CNOT6: variants seen among roughly 807,000 people sequenced by gnomAD.
CNOT6 encodes carbon catabolite repression 4 protein.
Under a neutral mutation model 61.2 loss-of-function variants are expected in CNOT6, and 12 were observed. That is an observed-to-expected ratio of 0.20 (90% CI 0.13 to 0.32). The LOEUF (loss-of-function observed/expected upper bound fraction) is 0.32, where lower values mean the gene tolerates loss of function less well. Among genes scored for constraint, CNOT6 ranks in the 10% least tolerant of loss-of-function variants. The pLI is 1.00. For synonymous variants in CNOT6, 225 were observed against 240.6 expected (o/e 0.94, Z 0.60); for missense variants, 405 against 663.9 (o/e 0.61, Z 4.28).
intron 2 of CNOT6, among the ~76,000 whole-genome samples, chr5:180,540,249 T>A (rs1758965024): frequency 1.3e-5 from 2 of 152,202 alleles, no homozygotes; most frequent in South Asian, 4.1e-4. Context: ...TTGGTTGTAG[T>A]GATGTTCTGA....
intron 2 of CNOT6, among the ~76,000 whole-genome samples, chr5:180,537,397 A>T (rs1347608052): frequency 6.6e-6 from 1 of 151,716 alleles, no homozygotes; most frequent in Non-Finnish European, 1.5e-5. Context: ...CCATCTTTTC[A>T]TATGCTTTTT....
At chr5:180,509,983 G>T (rs568607325) in intron 1 of CNOT6, among the ~76,000 whole-genome samples, 1 of 151,746 alleles carries the variant, frequency 6.6e-6, no homozygotes, top group East Asian at 1.9e-4. Context: ...GTGTAGTTAT[G>T]ATTTAAGTTT....
intron 1 of CNOT6, among the ~76,000 whole-genome samples, chr5:180,512,984 C>T (rs1292487196): frequency 6.6e-6 from 1 of 152,074 alleles, no homozygotes; most frequent in African/African-American, 2.4e-5. Context: ...CAAGCTCCGC[C>T]TCCTGGGTTC....
At chr5:180,497,521 A>C (rs956393045) in intron 1 of CNOT6, among the ~76,000 whole-genome samples, 3 of 152,152 alleles carry the variant, frequency 2.0e-5, no homozygotes, top group African/African-American at 7.2e-5. Flanking sequence ...GTGAGGGATC[A>C]GTATGTTCAG....
chr5:180,562,681 G>A lies in CNOT6; in HGVS notation c.386-1808G>A, dbSNP rs1030236786. On this transcript the variant is annotated intron_variant, in intron 4 of 11. Coordinates refer to ENST00000261951, the MANE Select transcript of CNOT6 (RefSeq NM_001370472.1). ...CGTGAACCCGGGAGGCGGAGCTTGC[G>A]GTGAGCCGAGATGGTGCCACTGCAC... Among the ~76,000 whole-genome samples the A allele has an allele frequency of 4.6e-5, 7 of 152,146 alleles. No homozygotes were observed. In the South Asian group the frequency reaches 1.0e-3, roughly 23 times the overall value.
chr5:180,536,084 C>T (rs1340636877), intron 2 of CNOT6, among the ~76,000 whole-genome samples: 2 of 148,156 alleles, frequency 1.3e-5, no homozygotes, highest in Non-Finnish European at 3.0e-5. Flanking sequence ...CAAGCTCTGC[C>T]TCCCACGTTC....
intron 4 of CNOT6, among the ~76,000 whole-genome samples, chr5:180,560,182 T>C (rs1760095142): frequency 6.6e-6 from 1 of 152,116 alleles, no homozygotes. Flanking sequence ...CCTGACCTCA[T>C]GATCCACCCA....
chr5:180,562,526 G>A (rs1321220111), intron 4 of CNOT6, among the ~76,000 whole-genome samples: 1 of 152,130 alleles, frequency 6.6e-6, no homozygotes, highest in Non-Finnish European at 1.5e-5. Flanking sequence ...GGATCACGAG[G>A]TCAGGAGATT....
At chr5:180,522,202 G>C (rs1198332466) in intron 1 of CNOT6, among the ~76,000 whole-genome samples, 1 of 152,058 alleles carries the variant, frequency 6.6e-6, no homozygotes, top group Non-Finnish European at 1.5e-5. Context: ...TCAGCTCACT[G>C]CAAACTCCAT....
intron 1 of CNOT6, among the ~76,000 whole-genome samples, chr5:180,503,601 C>CTTTTTTTT (rs56187510): frequency 2.3e-4 from 15 of 66,134 alleles, no homozygotes; most frequent in Non-Finnish European, 2.9e-4. Flanking sequence ...GCCCTACTTC[C>CTTTTTTTT]TTTTTTTTTT....
intron 1 of CNOT6, among the ~76,000 whole-genome samples, chr5:180,517,101 AT>A (rs1196002592): frequency 3.6e-4 from 55 of 152,326 alleles, no homozygotes; most frequent in African/African-American, 1.3e-3. Context: ...TTAGCATTTC[AT>A]TAATGCCAAT....
chr5:180,559,672 T>G (rs1174953085), intron 4 of CNOT6, among the ~76,000 whole-genome samples: 2 of 152,328 alleles, frequency 1.3e-5, no homozygotes, highest in Non-Finnish European at 2.9e-5. Context: ...TTTTGTCTTT[T>G]TCTCTTTGCT....
chr5:180,529,197 CAAAAA>C (rs71591495), intron 1 of CNOT6, 73 bp from the exon 2 acceptor site: 33 of 582,406 alleles, frequency 5.7e-5, no homozygotes, highest in Admixed American at 3.3e-4. Flanking sequence ...GACTTCGTCT[CAAAAA>C]AAAAAAAAAA....
chr5:180,560,314 GT>G (rs1039100537), intron 4 of CNOT6, among the ~76,000 whole-genome samples: 5 of 152,034 alleles, frequency 3.3e-5, no homozygotes, highest in African/African-American at 1.2e-4. Flanking sequence ...ATATTTTTTT[GT>G]TTACCTATAT....
Position 180,518,497 on chromosome 5 carries a change from G to A in CNOT6, c.-2-10778G>A, listed in dbSNP as rs548193430. ...TATTCTCAAGCCAGTTTTAGTATTT[G>A]TGTGTGTGGGGGGGAGGAGGGAGTT... On this transcript the variant is annotated intron_variant, in intron 1 of 11. Transcript: ENST00000261951. Among the ~76,000 whole-genome samples, 9 of 151,904 alleles carry A rather than the reference G, an allele frequency of 5.9e-5. No individual in the cohort carries two copies. The South Asian group carries it at 1.0e-3, about 18-fold the overall frequency.
chr5:180,574,408 GGATTGGTGTGTTT>G lies in CNOT6; in HGVS notation c.*210_*222del. On this transcript the variant is annotated 3_prime_UTR_variant, in exon 12 of 12. Coordinates refer to ENST00000261951, the MANE Select transcript of CNOT6 (RefSeq NM_001370472.1). Reference sequence around the variant, plus strand: ...CAATATGCTTTATACTGCTAGACAGGGATTGGTGTGTTTGCACCTGTCTTTCATTTGTCATAAG... The same window carrying G: ...CAATATGCTTTATACTGCTAGACAGGGCACCTGTCTTTCATTTGTCATAAG... 1 of 584,796 alleles carries G rather than the reference GGATTGGTGTGTTT, an allele frequency of 1.7e-6. No homozygotes were observed. Among genetic ancestry groups the G allele is most frequent in the South Asian group, 2.1e-5 (1 of 48,468 alleles). The allele number at this position is 584,796 out of a possible 1,614,324, so 36.2% of individuals were successfully genotyped here.
At chr5:180,499,541 G>T (rs1756771431) in intron 1 of CNOT6, among the ~76,000 whole-genome samples, 1 of 152,212 alleles carries the variant, frequency 6.6e-6, no homozygotes, top group African/African-American at 2.4e-5. Flanking sequence ...TATACAGTCA[G>T]TTCTGCTGTA....
At position 180,514,654 on chromosome 5, in the gene CNOT6, T is replaced by C. The variant is rs571452444; in HGVS notation, c.-2-14621T>C. Among the ~76,000 whole-genome samples the C allele has an allele frequency of 5.3e-5, 8 of 152,328 alleles. No homozygotes were observed. In the East Asian group the frequency reaches 1.5e-3, roughly 29 times the overall value. On this transcript the variant is annotated intron_variant, in intron 1 of 11. Transcript: ENST00000261951. The stretch of plus-strand genomic sequence containing the variant: ...AGTGTGAGTGCATGGTTTTGAGGTT[T>C]TTGTTTGCTTTCCAGTTGCTTAAGC...
In CNOT6 at chr5:180,503,476, G is replaced by A. The variant is rs185984909; in HGVS notation, c.-3+8713G>A. Among the ~76,000 whole-genome samples the A allele has an allele frequency of 2.6e-5, 4 of 151,782 alleles. No individual in the cohort carries two copies. The East Asian group carries it at 7.8e-4, about 29-fold the overall frequency. ...GACGGGGTTTTGCCATGTTGGCCAG[G>A]CTGGTCTCGAACTCCTGACCTGAAG... On this transcript the variant is annotated intron_variant, in intron 1 of 11. Transcript: ENST00000261951.
Sources: allele counts gnomAD v4.1 joint callset (sites outside exome capture counted in the v4.1 genomes callset), GRCh38; gene constraint gnomAD v4.1.1; transcripts MANE v1.5; gene names NCBI Gene and HGNC (gene_info 2026-07-23, HGNC 2026-07-21).